The following HMGCLL1 variants were observed in gnomAD, a reference collection of about 807,000 sequenced individuals.
HMGCLL1 encodes 3-hydroxy-3-methylglutaryl-CoA lyase like 1.
A neutral mutation model predicts 39.1 loss-of-function variants in HMGCLL1; 36 were observed. The observed-to-expected ratio is 0.92, with a 90% confidence interval of 0.71 to 1.22. HMGCLL1 has a LOEUF of 1.22. HMGCLL1 is among the 50% of genes most tolerant of loss of function. The pLI, the probability that HMGCLL1 is intolerant of heterozygous loss-of-function variation, is 0.00. For synonymous variants in HMGCLL1, 149 were observed against 144.0 expected (o/e 1.03, Z -0.25); for missense variants, 451 against 416.5 (o/e 1.08, Z -0.72).
At chr6:55,663,272 T>A in the HMGCLL1 span, among the ~76,000 whole-genome samples, 1 of 151,872 alleles carries the variant, frequency 6.6e-6, no homozygotes, top group Admixed American at 6.6e-5. Context: ...GCAGTTGCAA[T>A]GTTAGGTTGT....
intron 3 of HMGCLL1, among the ~76,000 whole-genome samples, chr6:55,540,768 T>C (rs574466475): frequency 2.0e-5 from 3 of 152,204 alleles, no homozygotes; most frequent in East Asian, 1.9e-4. Context: ...CCCAGTGAGA[T>C]TGAGGTGGAG....
chr6:55,477,216 T>TTATAATATATAATATATATTATATTTA (rs1765376863), intron 7 of HMGCLL1, among the ~76,000 whole-genome samples: 8 of 14,266 alleles, frequency 5.6e-4, no homozygotes, highest in African/African-American at 1.1e-3. Flanking sequence ...ATATATTATA[T>TTATAATATATAATATATATTATATTTA]TATAATATAT....
intron 7 of HMGCLL1, among the ~76,000 whole-genome samples, chr6:55,442,227 C>T (rs1758878789): frequency 6.6e-6 from 1 of 152,032 alleles, no homozygotes; most frequent in African/African-American, 2.4e-5. Flanking sequence ...TGTCACTATG[C>T]GTAGCTCACA....
At chr6:55,608,223 G>A in the HMGCLL1 span, among the ~76,000 whole-genome samples, 4 of 152,134 alleles carry the variant, frequency 2.6e-5, no homozygotes, top group African/African-American at 9.7e-5. Flanking sequence ...GTCTCATGAT[G>A]TGTCCTTTAA....
intron 1 of HMGCLL1, among the ~76,000 whole-genome samples, chr6:55,578,149 G>A (rs1771847354): frequency 6.6e-6 from 1 of 152,138 alleles, no homozygotes; most frequent in Non-Finnish European, 1.5e-5. Context: ...TCCAGCACCT[G>A]TAATTTAACA....
At chr6:55,644,426 C>T in the HMGCLL1 span, among the ~76,000 whole-genome samples, 1 of 151,852 alleles carries the variant, frequency 6.6e-6, no homozygotes, top group East Asian at 1.9e-4. Context: ...TCCATGTTTG[C>T]CTTGATTGCC....
At chr6:55,627,911 A>ATATATATTATATATATATAGTATATAT in the HMGCLL1 span, among the ~76,000 whole-genome samples, 4 of 1,822 alleles carry the variant, frequency 2.2e-3, 1 homozygote, top group African/African-American at 8.7e-3. Flanking sequence ...TATATATACT[A>ATATATATTATATATATATAGTATATAT]TATATATATA....
intron 5 of HMGCLL1, chr6:55,513,279 T>C (rs1767558288): frequency 1.3e-5 from 2 of 152,134 alleles, no homozygotes; most frequent in African/African-American, 4.8e-5. Context: ...TTTGTGGATC[T>C]TGGGTCAGTT....
At chr6:55,488,433 T>C (rs949370054) in intron 7 of HMGCLL1, among the ~76,000 whole-genome samples, 1 of 152,074 alleles carries the variant, frequency 6.6e-6, no homozygotes, top group Admixed American at 6.6e-5. Flanking sequence ...AGGAAAAGGA[T>C]GATGCTTCAT....
At chr6:55,455,811 C>T (rs1764298024) in intron 7 of HMGCLL1, among the ~76,000 whole-genome samples, 1 of 152,152 alleles carries the variant, frequency 6.6e-6, no homozygotes, top group African/African-American at 2.4e-5. Context: ...CAGAAGGAAT[C>T]CCTTCTACTG....
At chr6:55,667,900 T>C in the HMGCLL1 span, among the ~76,000 whole-genome samples, 25 of 150,220 alleles carry the variant, frequency 1.7e-4, no homozygotes, top group Non-Finnish European at 2.5e-4. Flanking sequence ...GCAACAGACT[T>C]TTTTTTTTAT....
chr6:55,586,466 A>C, the HMGCLL1 span, among the ~76,000 whole-genome samples: 1 of 151,770 alleles, frequency 6.6e-6, no homozygotes, highest in Non-Finnish European at 1.5e-5. Flanking sequence ...ACATATGTAT[A>C]TATGTGCCAT....
the HMGCLL1 span, among the ~76,000 whole-genome samples, chr6:55,678,523 G>A: frequency 1.3e-5 from 2 of 151,966 alleles, no homozygotes; most frequent in African/African-American, 2.4e-5. Context: ...CAATGCCTAC[G>A]AAGTCTGATA....
At chr6:55,521,211 A>C (rs1425871729) in intron 3 of HMGCLL1, among the ~76,000 whole-genome samples, 1 of 152,118 alleles carries the variant, frequency 6.6e-6, no homozygotes, top group Non-Finnish European at 1.5e-5. Context: ...AAGTGTTGTT[A>C]GTGTCATCAG....
chr6:55,435,800 G>A (rs200344134), intron 8 of HMGCLL1, 37 bp from the exon 9 acceptor site: 2 of 1,070,162 alleles, frequency 1.9e-6, no homozygotes, highest in East Asian at 5.3e-5. Context: ...GAAGGCAGAG[G>A]GATTAGAGAG....
chr6:55,511,221 G>A lies in HMGCLL1; in HGVS notation c.542+2827C>T, dbSNP rs546857713. ...AGATTTAAAAAAAGTCACATGAACTGCACATTAAAAAATAAAATCCAAACT... is the reference window on the plus strand; with the variant it reads ...AGATTTAAAAAAAGTCACATGAACTACACATTAAAAAATAAAATCCAAACT... On this transcript the variant is annotated intron_variant, in intron 5 of 8. Coordinates refer to ENST00000274901, the MANE Select transcript of HMGCLL1 (RefSeq NM_001042406.2). 7.0e-4 allele frequency among the ~76,000 whole-genome samples: 107 copies of A among 152,088 alleles called. No homozygotes were observed. The South Asian group carries it at 8.3e-3, about 12-fold the overall frequency.
intron 1 of HMGCLL1, among the ~76,000 whole-genome samples, chr6:55,549,019 A>G (rs1488527498): frequency 4.0e-5 from 6 of 151,702 alleles, no homozygotes; most frequent in Non-Finnish European, 8.8e-5. Context: ...GCTTCTTTAA[A>G]TGGTGGCTGT....
chr6:55,636,300 G>T, the HMGCLL1 span, among the ~76,000 whole-genome samples: 29 of 152,178 alleles, frequency 1.9e-4, no homozygotes, highest in Non-Finnish European at 2.9e-4. Context: ...ATTATGGAGG[G>T]TATATGTAAA....
chr6:55,538,203 C>T (rs1247616531), intron 3 of HMGCLL1, among the ~76,000 whole-genome samples: 1 of 152,072 alleles, frequency 6.6e-6, no homozygotes, highest in East Asian at 1.9e-4. Flanking sequence ...ATTTTGTAGG[C>T]AGCTTTATAA....
Sources: gnomAD v4.1 joint callset for allele counts (sites outside exome capture counted in the v4.1 genomes callset) on GRCh38, gnomAD v4.1.1 for gene constraint, MANE v1.5 for transcripts, NCBI Gene and HGNC (gene_info 2026-07-23, HGNC 2026-07-21) for gene names.